PCDH9: variants seen among roughly 807,000 people sequenced by gnomAD.
PCDH9 encodes protocadherin 9, also known as protocadherin-9.
In PCDH9, 24 loss-of-function variants were observed where a neutral mutation model predicts 70.6. The observed-to-expected ratio is 0.34, with a 90% confidence interval of 0.25 to 0.48. The LOEUF (loss-of-function observed/expected upper bound fraction) is 0.48, where lower values mean the gene tolerates loss of function less well. PCDH9 is among the 20% of genes least tolerant of loss of function. PCDH9 has a pLI of 0.99. For missense variants in PCDH9, 1,281 were observed against 1,503.6 expected (o/e 0.85, Z 2.45); for synonymous variants, 562 against 558.5 (o/e 1.01, Z -0.09).
intron 4 of PCDH9, among the ~76,000 whole-genome samples, chr13:66,326,223 T>C (rs2781781): frequency 1 from 151,685 of 152,170 alleles, 75,606 homozygotes; most frequent in Middle Eastern, 1. Context: ...CAATCCTTTC[T>C]CACTTACATA....
intron 4 of PCDH9, among the ~76,000 whole-genome samples, chr13:66,359,355 T>A (rs373251164): frequency 6.6e-6 from 1 of 151,992 alleles, no homozygotes; most frequent in Non-Finnish European, 1.5e-5. Flanking sequence ...CTGCAATAAA[T>A]CAAAGTATTG....
intron 2 of PCDH9, among the ~76,000 whole-genome samples, chr13:67,192,644 G>A (rs2088949955): frequency 6.6e-6 from 1 of 152,138 alleles, no homozygotes. Context: ...TCATAAAATA[G>A]AAGGAAGGCT....
chr13:66,874,651 C>T lies in PCDH9; in HGVS notation c.3138+28853G>A, dbSNP rs377296956. Among the ~76,000 whole-genome samples, 20 of 152,072 alleles carry T rather than the reference C, an allele frequency of 1.3e-4. 1 individual carries two copies. The highest frequency in any genetic ancestry group is 3.9e-4 in the African/African-American group (16 of 41,504). On this transcript the variant is annotated intron_variant, in intron 3 of 4. Transcript: ENST00000377865. The stretch of plus-strand genomic sequence containing the variant: ...GAAGTAAATGAGATAAATGAGGATA[C>T]GCAGGGAAACATTTAACATAAGATA...
At chr13:66,866,370 T>C (rs1485863774) in intron 3 of PCDH9, among the ~76,000 whole-genome samples, 3 of 151,950 alleles carry the variant, frequency 2.0e-5, no homozygotes, top group Non-Finnish European at 4.4e-5. Flanking sequence ...TAGTCCCAGC[T>C]ACTCGGGAGG....
chr13:67,093,612 T>A (rs1401525083), intron 2 of PCDH9, among the ~76,000 whole-genome samples: 1 of 152,180 alleles, frequency 6.6e-6, no homozygotes, highest in Non-Finnish European at 1.5e-5. Flanking sequence ...TATACACATG[T>A]TTCTCATTAG....
intron 2 of PCDH9, among the ~76,000 whole-genome samples, chr13:67,176,722 T>A (rs2088470813): frequency 6.6e-6 from 1 of 152,078 alleles, no homozygotes; most frequent in African/African-American, 2.4e-5. Flanking sequence ...CCCATCCCAA[T>A]ACCCATCTGG....
chr13:66,443,289 G>A (rs925627265), intron 4 of PCDH9, among the ~76,000 whole-genome samples: 1 of 152,114 alleles, frequency 6.6e-6, no homozygotes, highest in Admixed American at 6.6e-5. Context: ...TTGATGATGG[G>A]ATTTATATAT....
rs147402957 is a variant in PCDH9, at chr13:66,873,708, CT to C, written c.3138+29795del. On this transcript the variant is annotated intron_variant, in intron 3 of 4. Coordinates refer to ENST00000377865, the MANE Select transcript of PCDH9 (RefSeq NM_203487.3). ...CATCCCCAGCTTCCCAAGCCTTCCT[CT>C]TTTCCAGATATACCATATTCCTGGT... Among the ~76,000 whole-genome samples, 1,182 of 152,180 alleles carry C rather than the reference CT, an allele frequency of 7.8e-3. 12 individuals carry two copies. The highest frequency in any genetic ancestry group is 0.027 in the African/African-American group (1,102 of 41,520).
At chr13:67,203,574 C>T (rs892441971) in intron 2 of PCDH9, 10 of 152,036 alleles carry the variant, frequency 6.6e-5, no homozygotes, top group African/African-American at 2.4e-4. Context: ...CCAAATAAGT[C>T]ATTTTAATAT....
At position 66,703,623 on chromosome 13, in the gene PCDH9, C is replaced by T. The variant is rs775871989; in HGVS notation, c.3139-72212G>A. On this transcript the variant is annotated intron_variant, in intron 3 of 4. Transcript: ENST00000377865. ...AATTAAGAAAACATTTCTTGCAGGG[C>T]GTGGTGGCTCATGCCTGTAATTGAA... is the stretch of plus-strand genomic sequence containing the variant. 5.9e-5 allele frequency among the ~76,000 whole-genome samples: 9 copies of T among 152,182 alleles called. 1 individual carries two copies. Among genetic ancestry groups the T allele is most frequent in the African/African-American group, 1.4e-4 (6 of 41,508 alleles).
At chr13:66,649,410 TTGAAG>T (rs2077818167) in intron 3 of PCDH9, among the ~76,000 whole-genome samples, 2 of 152,032 alleles carry the variant, frequency 1.3e-5, no homozygotes, top group South Asian at 4.1e-4. Context: ...CATGACATAT[TTGAAG>T]TGCAAAAGAA....
At chr13:66,528,779 G>A (rs1347491631) in intron 4 of PCDH9, among the ~76,000 whole-genome samples, 1 of 152,010 alleles carries the variant, frequency 6.6e-6, no homozygotes, top group Non-Finnish European at 1.5e-5. Context: ...GTTTATAAGA[G>A]CTGCAAAACT....
At chr13:66,600,877 A>G (rs561670077) in intron 4 of PCDH9, among the ~76,000 whole-genome samples, 3 of 144,698 alleles carry the variant, frequency 2.1e-5, no homozygotes, top group African/African-American at 7.4e-5. Context: ...CACAAGTCCC[A>G]GGGAACACTC....
intron 4 of PCDH9, among the ~76,000 whole-genome samples, chr13:66,340,408 T>A (rs1956105796): frequency 6.6e-6 from 1 of 152,172 alleles, no homozygotes; most frequent in African/African-American, 2.4e-5. Context: ...TGCCCCAAAC[T>A]AATGGGCTTA....
At chr13:67,046,363 C>G (rs1169699396) in intron 2 of PCDH9, among the ~76,000 whole-genome samples, 1 of 152,118 alleles carries the variant, frequency 6.6e-6, no homozygotes, top group Non-Finnish European at 1.5e-5. Flanking sequence ...AGATCTTGGT[C>G]AATCACACAA....
At chr13:66,557,702 T>C (rs1464115565) in intron 4 of PCDH9, among the ~76,000 whole-genome samples, 1 of 152,182 alleles carries the variant, frequency 6.6e-6, no homozygotes, top group Non-Finnish European at 1.5e-5. Flanking sequence ...TAGAGTTCTG[T>C]TAAGCTTAAG....
At chr13:66,622,800 C>T (rs766908856) in intron 4 of PCDH9, among the ~76,000 whole-genome samples, 11 of 152,202 alleles carry the variant, frequency 7.2e-5, no homozygotes, top group Non-Finnish European at 1.5e-4. Flanking sequence ...CGCTGGTGGA[C>T]TTTCCCACTG....
At chr13:66,865,384 A>G (rs2081556180) in intron 3 of PCDH9, among the ~76,000 whole-genome samples, 1 of 152,194 alleles carries the variant, frequency 6.6e-6, no homozygotes, top group Non-Finnish European at 1.5e-5. Context: ...ATTGTTCTTT[A>G]CAATTTTAAA....
rs912013213 is a variant in PCDH9 at position 66,795,082 on chromosome 13, T to C, written c.3138+108422A>G. On this transcript the variant is annotated intron_variant, in intron 3 of 4. Transcript: ENST00000377865. Reference sequence around the variant, plus strand: ...GGTAATAAAGTATCTTAAGAATTTATTTAACATAATTTCACTTATTTTTCT... The same window carrying C: ...GGTAATAAAGTATCTTAAGAATTTACTTAACATAATTTCACTTATTTTTCT... Among the ~76,000 whole-genome samples the C allele has an allele frequency of 1.4e-4, 21 of 152,140 alleles. No homozygotes were observed. In the East Asian group the frequency reaches 3.9e-3, roughly 28 times the overall value.
Sources: gnomAD v4.1 joint callset for allele counts (sites outside exome capture counted in the v4.1 genomes callset) on GRCh38, gnomAD v4.1.1 for gene constraint, MANE v1.5 for transcripts, NCBI Gene and HGNC (gene_info 2026-07-23, HGNC 2026-07-21) for gene names.